MRC1: variants seen among roughly 807,000 people sequenced by gnomAD.
MRC1 encodes the protein macrophage mannose receptor 1.
Under a neutral mutation model 102.9 loss-of-function variants are expected in MRC1, and 62 were observed. That is an observed-to-expected ratio of 0.60 (90% CI 0.49 to 0.74). The LOEUF is 0.74. MRC1 is among the 30% of genes least tolerant of loss of function. The pLI, the probability that MRC1 is intolerant of heterozygous loss-of-function variation, is 0.00. For missense variants in MRC1, 1,237 were observed against 862.8 expected (o/e 1.43, Z -5.43); for synonymous variants, 457 against 298.4 (o/e 1.53, Z -5.48).
Position 17,894,758 on chromosome 10 carries a change from G to A in MRC1, c.3250+446G>A, listed in dbSNP as rs1428732380. Among the ~76,000 whole-genome samples, 3 of 152,094 alleles carry A rather than the reference G, an allele frequency of 2.0e-5. No individual in the cohort carries two copies. The East Asian group carries it at 5.8e-4, about 29-fold the overall frequency. ...CAGGATACATGTACAGAACATGCAGGTTTGTTATATAGGTATATGTGTGCC... is the reference window on the plus strand; with the variant it reads ...CAGGATACATGTACAGAACATGCAGATTTGTTATATAGGTATATGTGTGCC... On this transcript the variant is annotated intron_variant, in intron 23 of 29. Coordinates refer to ENST00000569591, the MANE Select transcript of MRC1 (RefSeq NM_002438.4).
chr10:17,904,604 T>A (rs1319935235), intron 26 of MRC1, among the ~76,000 whole-genome samples: 5 of 152,324 alleles, frequency 3.3e-5, no homozygotes, highest in African/African-American at 1.2e-4. Flanking sequence ...GCAGATTTCT[T>A]TAAGTGCCTA....
intron 7 of MRC1, among the ~76,000 whole-genome samples, chr10:17,851,649 A>C (rs1838918403): frequency 6.6e-6 from 1 of 152,214 alleles, no homozygotes; most frequent in African/African-American, 2.4e-5. Context: ...TGTGGGACTT[A>C]GGAGGTTAGT....
At chr10:17,814,133 C>G (rs1371291243) in intron 1 of MRC1, among the ~76,000 whole-genome samples, 1 of 152,082 alleles carries the variant, frequency 6.6e-6, no homozygotes, top group East Asian at 1.9e-4. Flanking sequence ...TGCACCTTTC[C>G]CTATGTGAGA....
intron 4 of MRC1, among the ~76,000 whole-genome samples, chr10:17,835,206 A>C (rs1250380234): frequency 6.6e-6 from 1 of 152,216 alleles, no homozygotes; most frequent in East Asian, 1.9e-4. Flanking sequence ...GTTGAAATGC[A>C]ATTCTATTTC....
chr10:17,844,980 G>T (rs1359965161), intron 5 of MRC1: 2 of 571,032 alleles, frequency 3.5e-6, no homozygotes, highest in South Asian at 1.6e-5. Flanking sequence ...AATGTAATCC[G>T]TTGTGACAAC....
chr10:17,871,394 A>G (rs1009932360), intron 14 of MRC1, among the ~76,000 whole-genome samples: 2 of 152,190 alleles, frequency 1.3e-5, no homozygotes. Context: ...TGGAAAACAC[A>G]TCACCGTGCT....
intron 15 of MRC1, among the ~76,000 whole-genome samples, chr10:17,872,606 C>T (rs910330313): frequency 0.038 from 5,770 of 152,264 alleles, 120 homozygotes; most frequent in Middle Eastern, 0.071. Flanking sequence ...ATGCTATTAG[C>T]CCCACCATGT....
In MRC1 at chr10:17,887,514, G is replaced by C. The variant is rs1196984588; in HGVS notation, c.3147+2079G>C. 3.9e-5 allele frequency among the ~76,000 whole-genome samples: 6 copies of C among 152,360 alleles called. No homozygotes were observed. The South Asian group carries it at 1.2e-3, about 32-fold the overall frequency. ...GGGCTGAAAGACTTACTGAAGAAGC[G>C]AAAGTAGAATGGAGCGAGATAGCAT... On this transcript the variant is annotated intron_variant, in intron 22 of 29. Transcript: ENST00000569591.
Position 17,910,782 on chromosome 10 carries a change from A to G in MRC1, c.*317A>G. The stretch of plus-strand genomic sequence containing the variant: ...GTGGATTTTAAGCACTCTAGAAACA[A>G]TGAAGCTTCTTGGCATATTTTAAGG... On this transcript the variant is annotated 3_prime_UTR_variant, in exon 30 of 30. Transcript: ENST00000569591. The G allele has an allele frequency of 6.0e-6, 2 of 332,184 alleles. No individual in the cohort carries two copies. Among genetic ancestry groups the G allele is most frequent in the Non-Finnish European group, 1.1e-5 (2 of 178,958 alleles). The allele number at this position is 332,184 out of a possible 1,614,324, so 20.6% of individuals were successfully genotyped here.
At chr10:17,845,576 T>A (rs1838814661) in intron 6 of MRC1, 141 bp downstream of exon 6, 1 of 713,802 alleles carries the variant, frequency 1.4e-6, no homozygotes, top group East Asian at 2.5e-5. Context: ...ATTACTGCAA[T>A]ATTTCTGTGT....
intron 16 of MRC1, among the ~76,000 whole-genome samples, chr10:17,874,334 A>C (rs1833396385): frequency 1.3e-5 from 2 of 152,132 alleles, no homozygotes. Flanking sequence ...CTTCAAAACC[A>C]GCAATGTAGC....
rs1383371445 is a variant in MRC1, at chr10:17,900,896, T to C, written c.3592T>C (p.Tyr1198His). ...ATGTGTTTATCTGGATCTTGATGGC[T>C]ACTGGAAGACAGCACATTGCAATGA... is the stretch of plus-strand genomic sequence containing the variant. ...SACVYLDLDG[Y>H]WKTAHCNESF... is the part of the protein sequence containing the mutation. Residue 1198 changes from tyrosine to histidine, a missense_variant, in exon 25 of 30, where the codon TAC (tyrosine) becomes CAC (histidine). Physicochemically the swap from Tyr to His is moderately conservative, Grantham distance 83. Transcript: ENST00000569591. The C allele has an allele frequency of 2.3e-5, 18 of 780,702 alleles. No homozygotes were observed. Among genetic ancestry groups the C allele is most frequent in the Non-Finnish European group, 4.3e-5 (18 of 417,946 alleles). The allele number at this position is 780,702 out of a possible 1,614,324, so 48.4% of individuals were successfully genotyped here.
intron 17 of MRC1, among the ~76,000 whole-genome samples, chr10:17,877,534 A>T (rs1331180146): frequency 1.3e-5 from 2 of 151,520 alleles, no homozygotes; most frequent in Admixed American, 6.6e-5. Flanking sequence ...TATATAAAAA[A>T]GAAAAATTTA....
intron 6 of MRC1, among the ~76,000 whole-genome samples, chr10:17,848,041 G>C (rs1288728889): frequency 6.6e-6 from 1 of 151,442 alleles, no homozygotes; most frequent in Non-Finnish European, 1.5e-5. Flanking sequence ...CCTCATGACT[G>C]AGTAGTTACT....
chr10:17,840,589 C>G, intron 4 of MRC1, 104 bp from the exon 5 acceptor site: 3 of 748,230 alleles, frequency 4.0e-6, no homozygotes, highest in Non-Finnish European at 5.0e-6. Flanking sequence ...TTGTTACTTC[C>G]CTCAGTGACA....
intron 21 of MRC1, among the ~76,000 whole-genome samples, chr10:17,881,834 G>GTTTTTTTTTTTTT (rs1159143035): frequency 1.6e-5 from 1 of 61,860 alleles, no homozygotes; most frequent in Non-Finnish European, 2.7e-5. Context: ...ATTTTTTAAA[G>GTTTTTTTTTTTTT]TTTTTTTTTT....
At chr10:17,879,139 T>C (rs1265132633) in intron 18 of MRC1, among the ~76,000 whole-genome samples, 2 of 152,164 alleles carry the variant, frequency 1.3e-5, no homozygotes, top group African/African-American at 2.4e-5. Context: ...TGTCTCTGGC[T>C]CACTTCCAGA....
chr10:17,859,553 A>C (rs1833147376), intron 9 of MRC1, among the ~76,000 whole-genome samples: 2 of 152,128 alleles, frequency 1.3e-5, no homozygotes, highest in African/African-American at 4.8e-5. Context: ...CCTGACCTCA[A>C]GTGACCCACC....
In MRC1 at chr10:17,819,939, T is replaced by C. The variant is rs540029417; in HGVS notation, c.62-3135T>C. Among the ~76,000 whole-genome samples the C allele has an allele frequency of 5.2e-3, 793 of 152,300 alleles. 4 individuals are homozygous for C. Among genetic ancestry groups the C allele is most frequent in the Non-Finnish European group, 0.01 (681 of 68,030 alleles). ...CAGCTTGGGCGACAGAGCAAGATCCTGTCTCAAAAACAAACGAACAAACAA... is the reference window on the plus strand; with the variant it reads ...CAGCTTGGGCGACAGAGCAAGATCCCGTCTCAAAAACAAACGAACAAACAA... On this transcript the variant is annotated intron_variant, in intron 1 of 29. Coordinates refer to ENST00000569591, the MANE Select transcript of MRC1 (RefSeq NM_002438.4).
Sources: allele counts gnomAD v4.1 joint callset (sites outside exome capture counted in the v4.1 genomes callset), GRCh38; gene constraint gnomAD v4.1.1; transcripts MANE v1.5; gene names NCBI Gene and HGNC (gene_info 2026-07-23, HGNC 2026-07-21).